Variants in ST6GAL2 observed in about 807,000 individuals in gnomAD.
ST6GAL2 encodes ST6 beta-galactoside alpha-2,6-sialyltransferase 2, also known as beta-galactoside alpha-2,6-sialyltransferase 2.
A neutral mutation model predicts 37.5 loss-of-function variants in ST6GAL2; 24 were observed. The observed-to-expected ratio is 0.64, with a 90% confidence interval of 0.46 to 0.90. The LOEUF is 0.90. Ranked by LOEUF, ST6GAL2 falls within the 40% of genes least tolerant of loss-of-function variation. ST6GAL2 has a pLI of 0.00. For missense variants in ST6GAL2, 715 were observed against 712.7 expected (o/e 1.00, Z -0.04); for synonymous variants, 306 against 295.1 (o/e 1.04, Z -0.38).
chr2:106,874,050 T>C (rs186165794), intron 1 of ST6GAL2, among the ~76,000 whole-genome samples: 3 of 152,286 alleles, frequency 2.0e-5, no homozygotes, highest in Non-Finnish European at 1.5e-5. Flanking sequence ...CCATTTGACA[T>C]AGATTTATGA....
chr2:106,848,417 T>C (rs547475347), intron 1 of ST6GAL2, among the ~76,000 whole-genome samples: 35 of 152,358 alleles, frequency 2.3e-4, no homozygotes, highest in Non-Finnish European at 3.5e-4. Context: ...ACAGCTCTGG[T>C]GGGCAACTAA....
chr2:106,857,321 G>C (rs1255134349), intron 1 of ST6GAL2, among the ~76,000 whole-genome samples: 1 of 151,972 alleles, frequency 6.6e-6, no homozygotes, highest in Admixed American at 6.6e-5. Flanking sequence ...CACATAATAC[G>C]GCCAGGCACC....
Position 106,831,424 on chromosome 2 carries a change from C to T in ST6GAL2, c.1143+1141G>A, listed in dbSNP as rs940595384. On this transcript the variant is annotated intron_variant, in intron 4 of 5. Transcript: ENST00000409382. ...ATAGCTAGAAACTCTCAAGTCTGTT[C>T]ACAAATAGCAAGAGAGCTGTGAGAG... Among the ~76,000 whole-genome samples, 3 of 152,210 alleles carry T rather than the reference C, an allele frequency of 2.0e-5. No individual in the cohort carries two copies. In the East Asian group the frequency reaches 5.8e-4, roughly 29 times the overall value.
chr2:106,832,479 A>G, intron 4 of ST6GAL2, 86 bp downstream of exon 4: 1 of 726,362 alleles, frequency 1.4e-6, no homozygotes, highest in Non-Finnish European at 2.3e-6. Flanking sequence ...TGTCTGTCAA[A>G]GCTTAATCCT....
rs1675277719 is a variant in ST6GAL2 at position 106,802,114 on chromosome 2, A to G, written c.*4564T>C. On this transcript the variant is annotated 3_prime_UTR_variant, in exon 6 of 6. Coordinates refer to ENST00000409382, the MANE Select transcript of ST6GAL2 (RefSeq NM_001142351.2). Reference sequence around the variant, plus strand: ...GCCTTTTAAATAATTCTGTCAGTCCATTTTAATGTAGCCAAGATGTGCAGA... The same window carrying G: ...GCCTTTTAAATAATTCTGTCAGTCCGTTTTAATGTAGCCAAGATGTGCAGA... 6.6e-6 allele frequency: 1 copy of G among 152,216 alleles called. No homozygotes were observed. Among genetic ancestry groups the G allele is most frequent in the Non-Finnish European group, 1.5e-5 (1 of 68,034 alleles). 9.4% of individuals were successfully genotyped at this position (152,216 alleles called of 1,614,324 possible).
intron 2 of ST6GAL2, among the ~76,000 whole-genome samples, chr2:106,842,136 G>A (rs1676909999): frequency 6.6e-6 from 1 of 152,222 alleles, no homozygotes; most frequent in African/African-American, 2.4e-5. Context: ...CTCTGCCTGA[G>A]TTTCCCATCT....
chr2:106,884,899 T>A (rs1268337002), intron 1 of ST6GAL2, among the ~76,000 whole-genome samples: 2 of 79,608 alleles, frequency 2.5e-5, no homozygotes, highest in African/African-American at 6.2e-5. Flanking sequence ...ACCCTAAATT[T>A]GCAGCGCATA....
intron 1 of ST6GAL2, among the ~76,000 whole-genome samples, chr2:106,878,464 T>C (rs533279664): frequency 2.6e-5 from 4 of 152,070 alleles, no homozygotes; most frequent in Admixed American, 1.3e-4. Context: ...ACCCTGATTG[T>C]AAAAGACAAA....
chr2:106,802,235 T>C lies in ST6GAL2; in HGVS notation c.*4443A>G, dbSNP rs762628099. 2.0e-5 allele frequency: 3 copies of C among 152,160 alleles called. No homozygotes were observed. The highest frequency in any genetic ancestry group is 2.9e-5 in the Non-Finnish European group (2 of 68,026). 9.4% of individuals were successfully genotyped at this position (152,160 alleles called of 1,614,324 possible). On this transcript the variant is annotated 3_prime_UTR_variant, in exon 6 of 6. Transcript: ENST00000409382. ...TTGCTTCCTTCTCTCAAAATATTAG[T>C]GGTTACATAATTAAAATAAAATTTA... is the stretch of plus-strand genomic sequence containing the variant.
Position 106,801,668 on chromosome 2 carries a change from T to C in ST6GAL2, c.*5010A>G, listed in dbSNP as rs1430256102. ...TGTACATTGTGTATACATAAAAATA[T>C]ACAAAACCAAAATAGAAAATATCCA... On this transcript the variant is annotated 3_prime_UTR_variant, in exon 6 of 6. Transcript: ENST00000409382. 11 of 152,340 alleles carry C rather than the reference T, an allele frequency of 7.2e-5. No homozygotes were observed. Among genetic ancestry groups the C allele is most frequent in the Non-Finnish European group, 1.5e-4 (10 of 68,020 alleles). 9.4% of individuals were successfully genotyped at this position (152,340 alleles called of 1,614,324 possible).
At chr2:106,828,092 T>C (rs1676274486) in intron 5 of ST6GAL2, among the ~76,000 whole-genome samples, 1 of 152,248 alleles carries the variant, frequency 6.6e-6, no homozygotes, top group Non-Finnish European at 1.5e-5. Context: ...ATATATGGCA[T>C]GATTTCTTTT....
intron 1 of ST6GAL2, among the ~76,000 whole-genome samples, chr2:106,857,862 G>C (rs1677641357): frequency 6.6e-6 from 1 of 152,176 alleles, no homozygotes; most frequent in South Asian, 2.1e-4. Flanking sequence ...CCTCGCTGCT[G>C]ACAAGAATAA....
At chr2:106,858,760 T>G (rs1035626049) in intron 1 of ST6GAL2, among the ~76,000 whole-genome samples, 1 of 152,038 alleles carries the variant, frequency 6.6e-6, no homozygotes, top group African/African-American at 2.4e-5. Context: ...GTTTGGGGAT[T>G]GAATGTAGAA....
intron 1 of ST6GAL2, among the ~76,000 whole-genome samples, chr2:106,883,448 C>A (rs1040877264): frequency 3.9e-5 from 6 of 152,154 alleles, no homozygotes; most frequent in African/African-American, 7.2e-5. Context: ...GCATTGATAT[C>A]AAAAATTGGT....
At chr2:106,838,156 A>G (rs1558695134) in intron 2 of ST6GAL2, among the ~76,000 whole-genome samples, 2 of 152,240 alleles carry the variant, frequency 1.3e-5, no homozygotes, top group African/African-American at 4.8e-5. Context: ...TAGGTCAGAC[A>G]GCAAATACAA....
chr2:106,843,727 T>C lies in ST6GAL2; in HGVS notation c.251A>G (p.His84Arg). The part of the protein sequence containing the change: ...LDARQALPRA[H>R]PAGSFHAGPG... ...CCCCGCATGAAAGGAACCGGCTGGGTGGGCGCGGGGCAGCGCCTGGCGTGC... is the reference window on the plus strand; with the variant it reads ...CCCCGCATGAAAGGAACCGGCTGGGCGGGCGCGGGGCAGCGCCTGGCGTGC... The change falls in exon 2 of 6, where the codon CAC becomes CGC. Residue 84 changes from histidine (H) to arginine (R), a missense_variant. Physicochemically the swap from His to Arg is conservative, Grantham distance 29. This residue lies in a region of ST6GAL2 where 512 missense variants were observed against 488.8 expected (regional missense o/e 1.05). Transcript: ENST00000409382. The C allele has an allele frequency of 1.2e-6, 2 of 1,612,790 alleles. No homozygotes were observed. The highest frequency in any genetic ancestry group is 2.2e-5 in the South Asian group (2 of 91,064).
chr2:106,835,790 T>C lies in ST6GAL2; in HGVS notation c.944-1644A>G, dbSNP rs118017383. Among the ~76,000 whole-genome samples, 50 of 152,298 alleles carry C rather than the reference T, an allele frequency of 3.3e-4. No homozygotes were observed. In the East Asian group the frequency reaches 9.6e-3, roughly 29 times the overall value. Reference sequence around the variant, plus strand: ...GTAAAAAAGTCTGCCAATCTCTAGGTTCAAGGGGATCTATTCTTTGTGTAA... The same window carrying C: ...GTAAAAAAGTCTGCCAATCTCTAGGCTCAAGGGGATCTATTCTTTGTGTAA... On this transcript the variant is annotated intron_variant, in intron 2 of 5. Transcript: ENST00000409382.
chr2:106,875,494 T>C (rs1678466261), intron 1 of ST6GAL2, among the ~76,000 whole-genome samples: 1 of 152,234 alleles, frequency 6.6e-6, no homozygotes, highest in Non-Finnish European at 1.5e-5. Flanking sequence ...ACTTTTTCTT[T>C]ATATTCCTTT....
intron 5 of ST6GAL2, among the ~76,000 whole-genome samples, chr2:106,828,935 C>T (rs1201717454): frequency 6.6e-6 from 1 of 152,116 alleles, no homozygotes; most frequent in African/African-American, 2.4e-5. Flanking sequence ...GACTGGAAAA[C>T]AATGTAGGCC....
Sources: gnomAD v4.1 joint callset for allele counts (sites outside exome capture counted in the v4.1 genomes callset) on GRCh38, gnomAD v4.1.1 for gene constraint, gnomAD v4.1.1 regional missense constraint, MANE v1.5 for transcripts, NCBI Gene and HGNC (gene_info 2026-07-23, HGNC 2026-07-21) for gene names.